TRA2B: variants seen among roughly 807,000 people sequenced by gnomAD.
TRA2B encodes transformer 2 beta homolog.
TRA2B carries 14 observed loss-of-function variants against 41.7 expected under a neutral mutation model. The ratio of observed to expected loss-of-function variants is 0.34; its 90% CI spans 0.22 to 0.53. The LOEUF (loss-of-function observed/expected upper bound fraction) is 0.53. TRA2B is among the 20% of genes least tolerant of loss of function. The pLI, the probability that TRA2B is intolerant of heterozygous loss-of-function variation, is 0.95. For synonymous variants in TRA2B, 130 were observed against 128.8 expected, an observed-to-expected ratio of 1.01 and a Z score of -0.06; for missense variants, 167 against 396.8, an observed-to-expected ratio of 0.42 and a Z score of 4.92.
intron 1 of TRA2B, chr3:185,936,387 GGA>G (rs1744356379): frequency 7.1e-6 from 7 of 985,308 alleles, no homozygotes; most frequent in Non-Finnish European, 8.4e-6. Flanking sequence ...TCGTGACATT[GGA>G]GTCAATCGGC....
At chr3:185,925,427 G>A (rs779367811) in intron 3 of TRA2B, 37 bp downstream of exon 3, 1 of 1,601,872 alleles carries the variant, frequency 6.2e-7, no homozygotes, top group Admixed American at 1.7e-5. Flanking sequence ...AGTAAATTTA[G>A]GCAGTTGACT....
At chr3:185,917,863 G>C (rs1211262813) in intron 8 of TRA2B, 138 bp from the exon 9 acceptor site, 1 of 765,006 alleles carries the variant, frequency 1.3e-6, no homozygotes, top group Non-Finnish European at 2.2e-6. Context: ...AATAGAGAAA[G>C]ACTTCCATGT....
At chr3:185,935,669 A>G (rs1337005491) in intron 1 of TRA2B, 1 of 985,340 alleles carries the variant, frequency 1.0e-6, no homozygotes, top group Non-Finnish European at 1.2e-6. Flanking sequence ...GCTCCAGAGA[A>G]GCATCATTTA....
intron 1 of TRA2B, chr3:185,927,254 A>C (rs565984731): frequency 6.6e-6 from 1 of 152,394 alleles, no homozygotes; most frequent in East Asian, 1.9e-4. Flanking sequence ...TCTCAGTTTC[A>C]AATCCTAGAG....
rs975204812 is a variant in TRA2B at position 185,916,810 on chromosome 3, T to G, written c.*905A>C. 1 of 152,634 alleles carries G rather than the reference T, an allele frequency of 6.6e-6. No homozygotes were observed. The highest frequency in any genetic ancestry group is 6.5e-5 in the Admixed American group (1 of 15,280). 9.5% of individuals were successfully genotyped at this position (152,634 alleles called of 1,614,324 possible). ...ACATTTGAGTGAAATTGGGCCTCCT[T>G]TGGTAAGCAAAGGACCTGAAAATAA... On this transcript the variant is annotated 3_prime_UTR_variant, in exon 9 of 9. Transcript: ENST00000453386.
chr3:185,931,914 A>T, intron 1 of TRA2B: 5 of 1,213,480 alleles, frequency 4.1e-6, no homozygotes, highest in Non-Finnish European at 5.3e-6. Context: ...TCCAGTGCCA[A>T]AACTGAAACT....
In TRA2B at chr3:185,915,943, C is replaced by T. The variant is rs751826552; in HGVS notation, c.*1772G>A. ...GCCTTTAATGTATCCATCCATAACA[C>T]AACCCCCTCTGGGACCACACCCTAA... On this transcript the variant is annotated 3_prime_UTR_variant, in exon 9 of 9. Transcript: ENST00000453386. 13 of 152,162 alleles carry T rather than the reference C, an allele frequency of 8.5e-5. No individual in the cohort carries two copies. Among genetic ancestry groups the T allele is most frequent in the Non-Finnish European group, 1.8e-4 (12 of 68,028 alleles). 9.4% of individuals were successfully genotyped at this position (152,162 alleles called of 1,614,324 possible). A position where few individuals can be genotyped will look rare whatever the true frequency, so the allele number is the denominator to read the frequency against.
chr3:185,916,851 C>T lies in TRA2B; in HGVS notation c.*864G>A, dbSNP rs143141787. ...CTGAAAATAATATTTAAAAAATGAA[C>T]AGGCAAAGTCTTCAGTTCATCCATG... is the stretch of plus-strand genomic sequence containing the variant. On this transcript the variant is annotated 3_prime_UTR_variant, in exon 9 of 9. Transcript: ENST00000453386. 4.4e-3 allele frequency: 670 copies of T among 152,182 alleles called. 3 individuals are homozygous for T. Among genetic ancestry groups the T allele is most frequent in the South Asian group, 7.4e-3 (35 of 4,722 alleles). 9.4% of individuals were successfully genotyped at this position (152,182 alleles called of 1,614,324 possible). A position where few individuals can be genotyped will look rare whatever the true frequency, so the allele number is the denominator to read the frequency against.
rs1160033650 is a variant in TRA2B, at chr3:185,915,570, C to G, written c.*2145G>C. 6.6e-6 allele frequency among the ~76,000 whole-genome samples: 1 copy of G among 152,196 alleles called. No homozygotes were observed. Among genetic ancestry groups the G allele is most frequent in the African/African-American group, 2.4e-5 (1 of 41,444 alleles). ...CTCACTACTTCTCAGTCTATCTCAA[C>G]TTGGTAAAATTCCAAATTTTCCTCA... On this transcript the variant is annotated 3_prime_UTR_variant, in exon 9 of 9. Coordinates refer to ENST00000453386, the MANE Select transcript of TRA2B (RefSeq NM_004593.3).
At position 185,919,104 on chromosome 3, in the gene TRA2B, T is replaced by C. The variant is rs527311679; in HGVS notation, c.782+333A>G. 7.9e-5 allele frequency among the ~76,000 whole-genome samples: 12 copies of C among 152,352 alleles called. No homozygotes were observed. The South Asian group carries it at 2.5e-3, about 32-fold the overall frequency. ...TTTGTGTTAAAAAGGCTGGCTTGAATGTTCTTGTGCTATTTGAGATGCTTA... is the reference window on the plus strand; with the variant it reads ...TTTGTGTTAAAAAGGCTGGCTTGAACGTTCTTGTGCTATTTGAGATGCTTA... On this transcript the variant is annotated intron_variant, in intron 7 of 8. Transcript: ENST00000453386.
At chr3:185,926,913 G>A (rs1743974442) in intron 1 of TRA2B, 179 bp from the exon 2 acceptor site, 1 of 693,044 alleles carries the variant, frequency 1.4e-6, no homozygotes, top group Admixed American at 3.1e-5. Flanking sequence ...AATGACATAA[G>A]TCAATTAACT....
chr3:185,933,647 G>A (rs536668569), intron 1 of TRA2B, among the ~76,000 whole-genome samples: 2 of 152,128 alleles, frequency 1.3e-5, no homozygotes, highest in South Asian at 4.1e-4. Context: ...ATATAATAAG[G>A]ACTATATTTT....
At chr3:185,935,093 G>A (rs1244058115) in intron 1 of TRA2B, 2 of 985,236 alleles carry the variant, frequency 2.0e-6, no homozygotes, top group East Asian at 2.3e-4. Flanking sequence ...GGGCTCTAAA[G>A]ATTACCCTGC....
chr3:185,919,594 AATGAG>A (rs1273167610), intron 6 of TRA2B, 98 bp from the exon 7 acceptor site: 3 of 971,572 alleles, frequency 3.1e-6, no homozygotes, highest in Non-Finnish European at 4.5e-6. Flanking sequence ...ATAGAGCATG[AATGAG>A]ATGTTTCTTG....
chr3:185,926,957 A>C (rs536910006), intron 1 of TRA2B: 15 of 492,862 alleles, frequency 3.0e-5, no homozygotes, highest in African/African-American at 2.5e-4. Context: ...AGCAGGGATA[A>C]GAGTTATTTG....
At chr3:185,937,790 AC>A in intron 1 of TRA2B, 34 bp downstream of exon 1, 1 of 1,613,988 alleles carries the variant, frequency 6.2e-7, no homozygotes, top group Middle Eastern at 1.6e-4. Context: ...AGGAGCTAGG[AC>A]CACACAGCCA....
intron 1 of TRA2B, chr3:185,936,785 C>T (rs985565991): frequency 2.0e-6 from 2 of 985,108 alleles, no homozygotes; most frequent in African/African-American, 3.5e-5. Context: ...TAGCAAGCCT[C>T]GTATGTTCGC....
At chr3:185,935,157 T>A in intron 1 of TRA2B, 1 of 985,396 alleles carries the variant, frequency 1.0e-6, no homozygotes, top group Non-Finnish European at 1.2e-6. Context: ...AGGCCAGGAG[T>A]GCCTCTTTTT....
chr3:185,924,089 A>G, intron 3 of TRA2B, 105 bp from the exon 4 acceptor site: 1 of 987,682 alleles, frequency 1.0e-6, no homozygotes, highest in South Asian at 1.9e-5. Context: ...CAAGAAAAGT[A>G]CATAATGATT....
Sources: allele counts gnomAD v4.1 joint callset (sites outside exome capture counted in the v4.1 genomes callset), GRCh38; gene constraint gnomAD v4.1.1; transcripts MANE v1.5; gene names NCBI Gene and HGNC (gene_info 2026-07-23, HGNC 2026-07-21).